The following GALK2 variants were observed in gnomAD, a reference collection of about 807,000 sequenced individuals.
GALK2 encodes the protein galactokinase 2.
Under a neutral mutation model 52.4 loss-of-function variants are expected in GALK2, and 36 were observed. The observed-to-expected ratio is 0.69, with a 90% CI of 0.53 to 0.91. The LOEUF (loss-of-function observed/expected upper bound fraction) is 0.91, where lower values mean the gene tolerates loss of function less well. Among genes scored for constraint, GALK2 ranks in the 40% least tolerant of loss-of-function variants. The probability of loss-of-function intolerance (pLI) is 0.00; values close to 1 mark genes in which losing one functional copy is unlikely to be tolerated. For synonymous variants in GALK2, 176 were observed against 199.1 expected (o/e 0.88, Z 0.98); for missense variants, 579 against 559.1 (o/e 1.04, Z -0.36).
intron 5 of GALK2, among the ~76,000 whole-genome samples, chr15:49,260,745 C>A (rs1422365649): frequency 4.5e-4 from 69 of 152,022 alleles, no homozygotes; most frequent in East Asian, 3.9e-4. Context: ...ATTTTTGTAT[C>A]AGGTGTAAGG....
At chr15:49,294,305 G>A (rs988022673) in intron 8 of GALK2, among the ~76,000 whole-genome samples, 6 of 152,084 alleles carry the variant, frequency 3.9e-5, no homozygotes, top group African/African-American at 1.4e-4. Flanking sequence ...TGACAAAACA[G>A]TAGATACAGA....
At chr15:49,307,194 T>C (rs891118094) in intron 8 of GALK2, among the ~76,000 whole-genome samples, 1 of 152,118 alleles carries the variant, frequency 6.6e-6, no homozygotes, top group Non-Finnish European at 1.5e-5. Context: ...GCATCTTCAT[T>C]CTGGTACTCT....
intron 5 of GALK2, among the ~76,000 whole-genome samples, chr15:49,251,925 T>C (rs2091619994): frequency 6.6e-6 from 1 of 152,190 alleles, no homozygotes; most frequent in African/African-American, 2.4e-5. Flanking sequence ...TATATACATA[T>C]GTTTGCCCTT....
chr15:49,339,517 C>T (rs927823434), intron 3 of GALK2, among the ~76,000 whole-genome samples: 4 of 152,136 alleles, frequency 2.6e-5, no homozygotes, highest in Admixed American at 1.3e-4. Context: ...GAGGGGCACC[C>T]GCCAGATGCC....
intron 1 of GALK2, among the ~76,000 whole-genome samples, chr15:49,177,428 A>G (rs1297998460): frequency 6.6e-6 from 1 of 152,252 alleles, no homozygotes; most frequent in Non-Finnish European, 1.5e-5. Flanking sequence ...ACTAGAAACA[A>G]GAGACATCAT....
chr15:49,279,110 G>T (rs1020634157), intron 5 of GALK2, among the ~76,000 whole-genome samples: 7 of 152,086 alleles, frequency 4.6e-5, no homozygotes, highest in African/African-American at 1.7e-4. Context: ...GGGATTATGG[G>T]GATTACAATT....
At chr15:49,343,671 A>C (rs965734123) in intron 3 of GALK2, 2 of 152,188 alleles carry the variant, frequency 1.3e-5, no homozygotes, top group Non-Finnish European at 1.5e-5. Context: ...GAAATGTAAT[A>C]GTGATGTAGG....
At chr15:49,181,838 T>G (rs2085995571) in intron 1 of GALK2, among the ~76,000 whole-genome samples, 1 of 151,954 alleles carries the variant, frequency 6.6e-6, no homozygotes, top group Non-Finnish European at 1.5e-5. Context: ...TCTGTTTTAA[T>G]TTTTTTTAAT....
intron 2 of GALK2, among the ~76,000 whole-genome samples, chr15:49,203,902 G>A (rs2088016913): frequency 6.6e-6 from 1 of 152,124 alleles, no homozygotes; most frequent in Non-Finnish European, 1.5e-5. Flanking sequence ...ATCACTTGAG[G>A]TCAGGAGTTT....
intron 5 of GALK2, among the ~76,000 whole-genome samples, chr15:49,252,036 C>T (rs373889500): frequency 3.9e-5 from 6 of 152,152 alleles, no homozygotes; most frequent in East Asian, 1.9e-4. Flanking sequence ...GAGGCAAAGG[C>T]GGGTGGATCA....
upstream of GALK2, among the ~76,000 whole-genome samples, chr15:49,167,511 C>A (rs555198273): frequency 6.6e-6 from 1 of 152,250 alleles, no homozygotes; most frequent in African/African-American, 2.4e-5. Context: ...GCGCCCGCCA[C>A]CACACCTGGC....
chr15:49,259,617 T>C (rs1238776524), intron 5 of GALK2, among the ~76,000 whole-genome samples: 2 of 149,394 alleles, frequency 1.3e-5, no homozygotes, highest in Non-Finnish European at 3.0e-5. Context: ...TTAGGGTACA[T>C]GTGCACAATG....
intron 5 of GALK2, among the ~76,000 whole-genome samples, chr15:49,258,903 T>C (rs1263750896): frequency 6.7e-6 from 1 of 148,570 alleles, no homozygotes; most frequent in Admixed American, 6.8e-5. Context: ...TGGCCAGTGA[T>C]GGTGAGCATT....
chr15:49,300,314 T>C (rs73394357), intron 8 of GALK2, among the ~76,000 whole-genome samples: 37,310 of 151,678 alleles, frequency 0.25, 4,873 homozygotes, highest in African/African-American at 0.31. Context: ...CCCTTTACTT[T>C]GAGCCTACAT....
At chr15:49,254,323 A>G in intron 5 of GALK2, among the ~76,000 whole-genome samples, 1 of 144,214 alleles carries the variant, frequency 6.9e-6, no homozygotes, top group Non-Finnish European at 1.6e-5. Context: ...TTACATTTTA[A>G]GTAAGTTACA....
At chr15:49,181,021 ATCCT>A (rs138715818) in intron 1 of GALK2, among the ~76,000 whole-genome samples, 55,983 of 123,270 alleles carry the variant, frequency 0.45, 13,401 homozygotes, top group Middle Eastern at 0.58. Flanking sequence ...TGCTAGACCA[ATCCT>A]TCCTTCCTTC....
intron 5 of GALK2, among the ~76,000 whole-genome samples, chr15:49,275,515 G>A (rs1235781156): frequency 6.6e-6 from 1 of 152,078 alleles, no homozygotes; most frequent in Non-Finnish European, 1.5e-5. Flanking sequence ...CCTTTCTCTT[G>A]ACTTGCACTT....
chr15:49,335,432 T>A (rs770523714), downstream of GALK2: 2 of 1,610,744 alleles, frequency 1.2e-6, no homozygotes, highest in Non-Finnish European at 1.7e-6. Context: ...CTAAAATCCT[T>A]TTGGTTCCTT....
Position 49,239,212 on chromosome 15 carries a change from T to C in GALK2, c.358-9T>C, listed in dbSNP as rs2090978944. ...GAATTACTGTTGCTGTTTTTCCTTA[T>C]ATTCTTAGGAACACTTTGGTCTTAG... On this transcript the variant is annotated splice_polypyrimidine_tract_variant and intron_variant, in intron 4 of 9. Transcript: ENST00000560031. 2 of 1,612,622 alleles carry C rather than the reference T, an allele frequency of 1.2e-6. No individual in the cohort carries two copies. Among genetic ancestry groups the C allele is most frequent in the South Asian group, 1.1e-5 (1 of 91,048 alleles).
Sources: allele counts gnomAD v4.1 joint callset (sites outside exome capture counted in the v4.1 genomes callset), GRCh38; gene constraint gnomAD v4.1.1; transcripts MANE v1.5; gene names NCBI Gene and HGNC (gene_info 2026-07-23, HGNC 2026-07-21).